The following TMEM232 variants were observed in gnomAD, a reference collection of about 807,000 sequenced individuals.
TMEM232 encodes the protein transmembrane protein 232.
Under a neutral mutation model 78.8 loss-of-function variants are expected in TMEM232, and 80 were observed. The observed-to-expected ratio is 1.01, with a 90% CI of 0.85 to 1.22. The LOEUF (loss-of-function observed/expected upper bound fraction) is 1.22, where lower values mean the gene tolerates loss of function less well. Among genes scored for constraint, TMEM232 ranks in the 50% most tolerant of loss-of-function variants. TMEM232 has a pLI of 0.00. For synonymous variants in TMEM232, 297 were observed against 254.3 expected (o/e 1.17, Z -1.60); for missense variants, 881 against 742.2 (o/e 1.19, Z -2.17).
intron 11 of TMEM232, among the ~76,000 whole-genome samples, chr5:110,537,733 G>A (rs566713238): frequency 6.6e-6 from 1 of 152,350 alleles, no homozygotes; most frequent in Admixed American, 6.5e-5. Context: ...CAAGAGCTGA[G>A]GGGCCAGTCC....
chr5:110,581,775 C>A (rs968336560), intron 10 of TMEM232, among the ~76,000 whole-genome samples: 1 of 151,242 alleles, frequency 6.6e-6, no homozygotes, highest in South Asian at 2.1e-4. Flanking sequence ...CAACAAAGGT[C>A]TGATGAATCT....
chr5:110,511,524 A>G (rs1025374291), intron 12 of TMEM232, among the ~76,000 whole-genome samples: 6 of 152,108 alleles, frequency 3.9e-5, no homozygotes, highest in African/African-American at 1.4e-4. Flanking sequence ...ATATTGGAAT[A>G]TTTATAGATT....
intron 2 of TMEM232, among the ~76,000 whole-genome samples, chr5:110,650,616 C>A (rs1053070372): frequency 6.6e-5 from 10 of 152,044 alleles, no homozygotes; most frequent in Admixed American, 3.9e-4. Context: ...AAAATTCCAA[C>A]AGGAGAACAT....
intron 10 of TMEM232, among the ~76,000 whole-genome samples, chr5:110,579,013 C>T (rs1777872425): frequency 6.6e-6 from 1 of 151,580 alleles, no homozygotes; most frequent in Non-Finnish European, 1.5e-5. Flanking sequence ...CAAAAGATCT[C>T]AAATAAAATT....
chr5:110,525,005 T>C (rs1770362853), intron 12 of TMEM232, among the ~76,000 whole-genome samples: 2 of 152,070 alleles, frequency 1.3e-5, no homozygotes, highest in Admixed American at 6.5e-5. Flanking sequence ...ATTTTCCATA[T>C]CTTCAATTTT....
At chr5:110,679,508 G>C (rs1792446252) in intron 1 of TMEM232, among the ~76,000 whole-genome samples, 1 of 152,106 alleles carries the variant, frequency 6.6e-6, no homozygotes, top group Non-Finnish European at 1.5e-5. Context: ...TCTTTAACAG[G>C]ACAGAAGTTG....
intron 11 of TMEM232, among the ~76,000 whole-genome samples, chr5:110,546,525 G>A (rs532630538): frequency 5.9e-5 from 9 of 152,140 alleles, no homozygotes; most frequent in Admixed American, 6.6e-5. Context: ...ACTCTATGTA[G>A]GTAATAATAT....
At chr5:110,450,457 A>T (rs965095803) in intron 12 of TMEM232, among the ~76,000 whole-genome samples, 6 of 150,518 alleles carry the variant, frequency 4.0e-5, no homozygotes, top group Non-Finnish European at 7.4e-5. Flanking sequence ...TTATCTCATT[A>T]TCTTCAAATC....
chr5:110,663,555 T>C (rs1460237920), intron 2 of TMEM232, among the ~76,000 whole-genome samples: 2 of 151,962 alleles, frequency 1.3e-5, no homozygotes, highest in African/African-American at 4.8e-5. Context: ...TAAAACTGTA[T>C]TAAGAAAATT....
At chr5:110,404,164 T>C (rs1021891010) in intron 2 of TMEM232, among the ~76,000 whole-genome samples, 1 of 152,112 alleles carries the variant, frequency 6.6e-6, no homozygotes, top group African/African-American at 2.4e-5. Context: ...AATTTTGACA[T>C]TGAAATTTTC....
chr5:110,412,726 A>G (rs1236706300), intron 2 of TMEM232, among the ~76,000 whole-genome samples: 1 of 152,154 alleles, frequency 6.6e-6, no homozygotes, highest in East Asian at 1.9e-4. Context: ...TAATGTTTCA[A>G]ATGGAAAGAT....
Position 110,667,294 on chromosome 5 carries a change from G to C in TMEM232, c.59C>G (p.Pro20Arg). The C allele has an allele frequency of 6.5e-7, 1 of 1,544,328 alleles. No individual in the cohort carries two copies. The highest frequency in any genetic ancestry group is 8.8e-7 in the Non-Finnish European group (1 of 1,142,042). ...MINTCGGISS[P>R]YHEELWKLNF... ...TAATTTCCAGAGCTCTTCATGATAA[G>C]GGGAAGATATGCCTCCACATGTATT... is the stretch of plus-strand genomic sequence containing the variant. The change falls in exon 2 of 14, where the codon CCT becomes CGT. Residue 20 changes from proline (P) to arginine (R), a missense_variant. Pro to Arg is a moderately radical substitution (Grantham distance 103). Coordinates refer to ENST00000455884, the MANE Select transcript of TMEM232 (RefSeq NM_001039763.4).
intron 2 of TMEM232, among the ~76,000 whole-genome samples, chr5:110,403,353 C>T (rs753881286): frequency 6.6e-6 from 1 of 152,074 alleles, no homozygotes; most frequent in Non-Finnish European, 1.5e-5. Context: ...CTAGATAAAA[C>T]CTTCTAATCC....
At chr5:110,390,447 C>G (rs1189145235) in exon 4 of TMEM232, 1 of 152,200 alleles carries the variant, frequency 6.6e-6, no homozygotes, top group Non-Finnish European at 1.5e-5. Flanking sequence ...AGCCGAAAAT[C>G]AGATCTTTTA....
chr5:110,519,958 T>C (rs1201362401), intron 12 of TMEM232, among the ~76,000 whole-genome samples: 2 of 150,706 alleles, frequency 1.3e-5, no homozygotes. Flanking sequence ...TGATGGCTAC[T>C]AGAAGTCAGG....
At chr5:110,520,734 C>T (rs1285119271) in intron 12 of TMEM232, among the ~76,000 whole-genome samples, 1 of 152,068 alleles carries the variant, frequency 6.6e-6, no homozygotes, top group Non-Finnish European at 1.5e-5. Flanking sequence ...ACTTGACCAA[C>T]ATGGAGAAAC....
In TMEM232 at chr5:110,726,659, G is replaced by C. The variant is rs1798187718; in HGVS notation, c.-45C>G. ...CTCTGAGCCGCTGGGAACCAAGGCT[G>C]GTTGCTAAGGACGCTGTGGGAGTCG... On this transcript the variant is annotated 5_prime_UTR_variant, in exon 1 of 14. Transcript: ENST00000455884. The C allele has an allele frequency of 6.6e-6, 1 of 152,232 alleles. No homozygotes were observed. The highest frequency in any genetic ancestry group is 1.5e-5 in the Non-Finnish European group (1 of 68,066). 9.4% of individuals were successfully genotyped at this position (152,232 alleles called of 1,614,324 possible).
intron 1 of TMEM232, among the ~76,000 whole-genome samples, chr5:110,682,881 T>A (rs1792927528): frequency 6.6e-6 from 1 of 152,164 alleles, no homozygotes; most frequent in African/African-American, 2.4e-5. Flanking sequence ...ATTACACTCC[T>A]AGGACATTTG....
At chr5:110,737,382 A>G (rs1390307282) in intron 1 of TMEM232, among the ~76,000 whole-genome samples, 2 of 152,290 alleles carry the variant, frequency 1.3e-5, no homozygotes, top group East Asian at 1.9e-4. Flanking sequence ...GAAACATGTA[A>G]AAAACCCCTA....
Sources: allele counts gnomAD v4.1 joint callset (sites outside exome capture counted in the v4.1 genomes callset), GRCh38; gene constraint gnomAD v4.1.1; transcripts MANE v1.5; gene names NCBI Gene and HGNC (gene_info 2026-07-23, HGNC 2026-07-21).